Variants in FER observed in about 807,000 individuals in gnomAD.
FER encodes tyrosine-protein kinase Fer.
FER carries 63 observed loss-of-function variants against 111.0 expected under a neutral mutation model. The observed-to-expected ratio is 0.57, with a 90% CI of 0.46 to 0.70. The LOEUF (loss-of-function observed/expected upper bound fraction) is 0.70. Ranked by LOEUF, FER falls within the 30% of genes least tolerant of loss-of-function variation. The pLI is 0.00. For synonymous variants in FER, 327 were observed against 313.9 expected (o/e 1.04, Z -0.44); for missense variants, 914 against 954.0 (o/e 0.96, Z 0.55).
chr5:108,776,010 AGT>A (rs1196639402), intron 2 of FER, among the ~76,000 whole-genome samples: 1 of 152,196 alleles, frequency 6.6e-6, no homozygotes, highest in East Asian at 1.9e-4. Flanking sequence ...TCTAACTGTC[AGT>A]ATTGAAGCAT....
intron 13 of FER, among the ~76,000 whole-genome samples, chr5:109,000,606 G>C (rs974757095): frequency 3.0e-4 from 46 of 152,078 alleles, no homozygotes; most frequent in Non-Finnish European, 5.4e-4. Flanking sequence ...AGAGAAGCAA[G>C]AGCAAACACA....
intron 4 of FER, among the ~76,000 whole-genome samples, chr5:108,833,934 C>T (rs1760327736): frequency 6.6e-6 from 1 of 151,168 alleles, no homozygotes; most frequent in African/African-American, 2.4e-5. Flanking sequence ...ATAATTCCTT[C>T]ATGTTATCGA....
intron 13 of FER, among the ~76,000 whole-genome samples, chr5:109,014,596 T>A (rs1057063490): frequency 6.6e-5 from 10 of 152,128 alleles, no homozygotes; most frequent in African/African-American, 2.4e-4. Context: ...AACTTTGAAG[T>A]AGTTTTTTCC....
intron 16 of FER, among the ~76,000 whole-genome samples, chr5:109,085,555 TATAGCACTGGG>T (rs1181496615): frequency 4.6e-5 from 7 of 151,614 alleles, no homozygotes; most frequent in Admixed American, 6.6e-5. Flanking sequence ...TTTTCTGAAT[TATAGCACTGGG>T]ATAGATATTC....
intron 17 of FER, among the ~76,000 whole-genome samples, chr5:109,139,350 C>CTTTTTTTTTTTTTTTTTTTTTTTTTTTT (rs59092426): frequency 2.2e-5 from 2 of 91,114 alleles, no homozygotes; most frequent in African/African-American, 8.8e-5. Context: ...TTCTTTCTTT[C>CTTTTTTTTTTTTTTTTTTTTTTTTTTTT]TTTTTTTTTT....
chr5:109,140,819 T>G (rs1753443282), intron 17 of FER, among the ~76,000 whole-genome samples: 1 of 152,148 alleles, frequency 6.6e-6, no homozygotes, highest in Non-Finnish European at 1.5e-5. Flanking sequence ...GGGAAGAGAT[T>G]GTTATGTGAC....
chr5:109,036,067 T>C (rs1405061668), intron 13 of FER, among the ~76,000 whole-genome samples: 2 of 152,164 alleles, frequency 1.3e-5, no homozygotes, highest in Non-Finnish European at 2.9e-5. Flanking sequence ...CAGATAGAAA[T>C]TCAGTATTGC....
intron 17 of FER, among the ~76,000 whole-genome samples, chr5:109,154,834 T>C (rs1755197248): frequency 6.6e-6 from 1 of 151,842 alleles, no homozygotes; most frequent in African/African-American, 2.4e-5. Flanking sequence ...GATCCAATAT[T>C]AGCTAAGAAA....
intron 5 of FER, among the ~76,000 whole-genome samples, chr5:108,852,430 G>A (rs940714354): frequency 6.6e-6 from 1 of 151,998 alleles, no homozygotes; most frequent in South Asian, 2.1e-4. Context: ...TCTTTTAGTT[G>A]ATTTCCTCAA....
chr5:108,802,144 A>AT (rs907576621), intron 3 of FER, among the ~76,000 whole-genome samples: 9 of 149,548 alleles, frequency 6.0e-5, no homozygotes, highest in South Asian at 2.1e-4. Flanking sequence ...TACTGAACTT[A>AT]TTTTTTTTTT....
At chr5:109,117,634 C>G (rs929988981) in intron 17 of FER, among the ~76,000 whole-genome samples, 7 of 151,884 alleles carry the variant, frequency 4.6e-5, no homozygotes, top group Non-Finnish European at 1.0e-4. Context: ...TTCTTCCTAC[C>G]CATGAGCATG....
chr5:109,149,650 T>C lies in FER; in HGVS notation c.2049-31097T>C, dbSNP rs547448131. On this transcript the variant is annotated intron_variant, in intron 17 of 19. Transcript: ENST00000281092. ...GTTGGAAATTCTAGTAAACAAAGCTTGTAAAGGATTACTTTAAAAAGGAGT... is the reference window on the plus strand; with the variant it reads ...GTTGGAAATTCTAGTAAACAAAGCTCGTAAAGGATTACTTTAAAAAGGAGT... Among the ~76,000 whole-genome samples the C allele has an allele frequency of 3.7e-4, 56 of 152,270 alleles. No individual in the cohort carries two copies. In the South Asian group the frequency reaches 0.011, roughly 30 times the overall value.
At chr5:108,835,971 C>T in intron 5 of FER, 164 bp downstream of exon 5, 1 of 396,860 alleles carries the variant, frequency 2.5e-6, no homozygotes, top group Non-Finnish European at 4.6e-6. Flanking sequence ...GTAAGTCTTA[C>T]TAATTTTCCA....
At chr5:109,129,850 T>C (rs1369008253) in intron 17 of FER, among the ~76,000 whole-genome samples, 2 of 152,070 alleles carry the variant, frequency 1.3e-5, no homozygotes, top group African/African-American at 2.4e-5. Flanking sequence ...TATGTGTGTT[T>C]TTAGTTGCCC....
intron 13 of FER, among the ~76,000 whole-genome samples, chr5:109,025,024 T>G (rs1005508743): frequency 6.6e-6 from 1 of 151,918 alleles, no homozygotes; most frequent in African/African-American, 2.4e-5. Flanking sequence ...TTACTGTAGC[T>G]TTGTAGTATA....
intron 17 of FER, among the ~76,000 whole-genome samples, chr5:109,130,242 A>T (rs1169554797): frequency 6.6e-6 from 1 of 152,100 alleles, no homozygotes; most frequent in Admixed American, 6.6e-5. Flanking sequence ...GGCATTTAAT[A>T]TGTGACATAT....
chr5:108,894,347 C>CT (rs1324834224), intron 9 of FER: 9 of 980,498 alleles, frequency 9.2e-6, no homozygotes, highest in Non-Finnish European at 1.2e-5. Context: ...GGAGCCATCA[C>CT]TGTTTCTGCT....
chr5:108,971,161 A>G (rs1362844695), intron 13 of FER, among the ~76,000 whole-genome samples: 1 of 151,362 alleles, frequency 6.6e-6, no homozygotes, highest in Non-Finnish European at 1.5e-5. Context: ...ACCAATTCCT[A>G]GTATAATAAT....
chr5:108,818,872 A>T (rs1393243305), intron 3 of FER, among the ~76,000 whole-genome samples: 1 of 152,148 alleles, frequency 6.6e-6, no homozygotes. Context: ...CTCATACTAC[A>T]AAGTAGGTAG....
Sources: gnomAD v4.1 joint callset for allele counts (sites outside exome capture counted in the v4.1 genomes callset) on GRCh38, gnomAD v4.1.1 for gene constraint, MANE v1.5 for transcripts, NCBI Gene and HGNC (gene_info 2026-07-23, HGNC 2026-07-21) for gene names.